Variants in CCSER1 observed in about 807,000 individuals in gnomAD.
The protein encoded by CCSER1 is serine-rich coiled-coil domain-containing protein 1.
Under a neutral mutation model 82.0 loss-of-function variants are expected in CCSER1, and 41 were observed. The observed-to-expected ratio is 0.50, with a 90% CI of 0.39 to 0.65. The LOEUF (loss-of-function observed/expected upper bound fraction) is 0.65, where lower values mean the gene tolerates loss of function less well. Ranked by LOEUF, CCSER1 falls within the 30% of genes least tolerant of loss-of-function variation. CCSER1 has a pLI of 0.00. For synonymous variants in CCSER1, 414 were observed against 383.9 expected (o/e 1.08, Z -0.92); for missense variants, 1,119 against 1,064.2 (o/e 1.05, Z -0.72).
chr4:91,096,252 T>C (rs1724501013), intron 10 of CCSER1, among the ~76,000 whole-genome samples: 1 of 152,118 alleles, frequency 6.6e-6, no homozygotes, highest in Non-Finnish European at 1.5e-5. Flanking sequence ...TCTCTTCCTT[T>C]CTTGTCTACT....
At chr4:90,838,439 AT>A (rs1347765378) in intron 8 of CCSER1, among the ~76,000 whole-genome samples, 14 of 151,492 alleles carry the variant, frequency 9.2e-5, no homozygotes, top group Admixed American at 9.2e-4. Context: ...CTGCTTGATC[AT>A]TTTTAATAAT....
At chr4:91,263,428 A>G (rs1741343871) in intron 10 of CCSER1, among the ~76,000 whole-genome samples, 1 of 151,984 alleles carries the variant, frequency 6.6e-6, no homozygotes, top group African/African-American at 2.4e-5. Context: ...AAGATCTCAA[A>G]TTATTGATTT....
At chr4:91,411,483 C>CATATATATATATATAT (rs1292774196) in intron 10 of CCSER1, among the ~76,000 whole-genome samples, 1 of 69,248 alleles carries the variant, frequency 1.4e-5, no homozygotes, top group Non-Finnish European at 2.8e-5. Flanking sequence ...TAAATTTCTG[C>CATATATATATATATAT]ATATATACAT....
intron 10 of CCSER1, among the ~76,000 whole-genome samples, chr4:91,509,839 AT>A (rs199841968): frequency 1.1e-4 from 16 of 151,882 alleles, no homozygotes; most frequent in African/African-American, 2.9e-4. Context: ...AGATATATAG[AT>A]TTTTTTTACA....
At chr4:91,350,955 A>C (rs1748431196) in intron 10 of CCSER1, among the ~76,000 whole-genome samples, 1 of 152,112 alleles carries the variant, frequency 6.6e-6, no homozygotes, top group African/African-American at 2.4e-5. Flanking sequence ...TAAAAAATTT[A>C]TTTATGAAAT....
intron 1 of CCSER1, among the ~76,000 whole-genome samples, chr4:90,186,593 T>C (rs1468804024): frequency 6.6e-6 from 1 of 152,070 alleles, no homozygotes; most frequent in East Asian, 1.9e-4. Flanking sequence ...TATAACGAAA[T>C]GTATACTTAC....
At chr4:91,208,268 T>C (rs1736510445) in intron 10 of CCSER1, among the ~76,000 whole-genome samples, 1 of 152,000 alleles carries the variant, frequency 6.6e-6, no homozygotes, top group African/African-American at 2.4e-5. Context: ...TTGTTGACGA[T>C]TGCTTTTGAT....
At chr4:90,752,613 C>G (rs1437415138) in intron 7 of CCSER1, among the ~76,000 whole-genome samples, 1 of 152,058 alleles carries the variant, frequency 6.6e-6, no homozygotes, top group Non-Finnish European at 1.5e-5. Flanking sequence ...CGAGTTTGAT[C>G]TGGAGTGATG....
chr4:91,262,310 T>C (rs1283822454), intron 10 of CCSER1, among the ~76,000 whole-genome samples: 1 of 152,028 alleles, frequency 6.6e-6, no homozygotes, highest in Non-Finnish European at 1.5e-5. Flanking sequence ...CAAAATAGAC[T>C]CTCAATACAT....
chr4:90,233,680 T>C (rs1745161614), intron 1 of CCSER1, among the ~76,000 whole-genome samples: 1 of 146,238 alleles, frequency 6.8e-6, no homozygotes, highest in Non-Finnish European at 1.5e-5. Context: ...CTTAGACCAA[T>C]CTTGAGGGTA....
At chr4:91,244,423 G>A (rs570254477) in intron 10 of CCSER1, among the ~76,000 whole-genome samples, 2 of 152,200 alleles carry the variant, frequency 1.3e-5, no homozygotes, top group Non-Finnish European at 2.9e-5. Flanking sequence ...CAGTAGTGGT[G>A]GTCACAGGGG....
At chr4:91,229,790 C>T (rs906912197) in intron 10 of CCSER1, among the ~76,000 whole-genome samples, 6 of 151,984 alleles carry the variant, frequency 3.9e-5, no homozygotes, top group Admixed American at 2.6e-4. Context: ...ACAATGAGAA[C>T]GCATGGACAC....
intron 10 of CCSER1, among the ~76,000 whole-genome samples, chr4:91,594,771 A>C (rs1165259977): frequency 6.6e-6 from 1 of 152,076 alleles, no homozygotes; most frequent in African/African-American, 2.4e-5. Context: ...AGAATAATTA[A>C]TTTATTCATT....
chr4:91,125,306 T>C (rs1192310714), intron 10 of CCSER1, among the ~76,000 whole-genome samples: 2 of 151,726 alleles, frequency 1.3e-5, no homozygotes, highest in African/African-American at 4.8e-5. Flanking sequence ...CAGTAAAATC[T>C]AATATAATTG....
At chr4:91,086,255 A>G (rs74437063) in intron 10 of CCSER1, among the ~76,000 whole-genome samples, 1,690 of 152,206 alleles carry the variant, frequency 0.011, 28 homozygotes, top group African/African-American at 0.038. Context: ...TTCTGTTATA[A>G]TGGATTTCTG....
At chr4:91,510,061 G>T (rs554388547) in intron 10 of CCSER1, among the ~76,000 whole-genome samples, 12 of 151,964 alleles carry the variant, frequency 7.9e-5, no homozygotes, top group Admixed American at 7.9e-4. Context: ...TCTTATGCCC[G>T]TGAGTACCCA....
chr4:91,069,896 T>C (rs560838329), intron 9 of CCSER1, among the ~76,000 whole-genome samples: 12 of 152,294 alleles, frequency 7.9e-5, no homozygotes, highest in African/African-American at 2.9e-4. Flanking sequence ...TAGAATTTAT[T>C]GTATATAATC....
At chr4:90,441,274 A>C (rs1369034862) in intron 4 of CCSER1, among the ~76,000 whole-genome samples, 1 of 152,102 alleles carries the variant, frequency 6.6e-6, no homozygotes, top group Non-Finnish European at 1.5e-5. Flanking sequence ...TTTTTAGTTC[A>C]TCTTGCCATA....
chr4:91,500,066 G>A (rs1341733722), intron 10 of CCSER1, among the ~76,000 whole-genome samples: 1 of 151,968 alleles, frequency 6.6e-6, no homozygotes, highest in Non-Finnish European at 1.5e-5. Flanking sequence ...TTCCAAAGTG[G>A]CAGTGCCATT....
Sources: gnomAD v4.1 joint callset for allele counts (sites outside exome capture counted in the v4.1 genomes callset) on GRCh38, gnomAD v4.1.1 for gene constraint, MANE v1.5 for transcripts, NCBI Gene and HGNC (gene_info 2026-07-23, HGNC 2026-07-21) for gene names.